The following STAMBPL1 variants were observed in gnomAD, a reference collection of about 807,000 sequenced individuals.
The protein encoded by STAMBPL1 is AMSH-like protease.
In STAMBPL1, 44 loss-of-function variants were observed where a neutral mutation model predicts 52.9. The observed-to-expected ratio is 0.83, with a 90% CI of 0.65 to 1.07. The LOEUF (loss-of-function observed/expected upper bound fraction) is 1.07, where lower values mean the gene tolerates loss of function less well. Ranked by LOEUF, STAMBPL1 falls within the 50% of genes least tolerant of loss-of-function variation. The probability of loss-of-function intolerance (pLI) is 0.00; values close to 1 mark genes in which losing one functional copy is unlikely to be tolerated. For missense variants in STAMBPL1, 511 were observed against 520.8 expected, an observed-to-expected ratio of 0.98 and a Z score of 0.18; for synonymous variants, 164 against 177.3, an observed-to-expected ratio of 0.92 and a Z score of 0.60.
chr10:88,900,806 C>T (rs1038361830), intron 1 of STAMBPL1, among the ~76,000 whole-genome samples: 1 of 152,196 alleles, frequency 6.6e-6, no homozygotes, highest in Non-Finnish European at 1.5e-5. Context: ...TATCTAGATC[C>T]TCTACTCATG....
intron 1 of STAMBPL1, among the ~76,000 whole-genome samples, chr10:88,898,885 G>A (rs1172934628): frequency 6.6e-6 from 1 of 152,186 alleles, no homozygotes; most frequent in Non-Finnish European, 1.5e-5. Context: ...TGCAGGCATG[G>A]GACCCAGACT....
chr10:88,884,799 T>C (rs1476880150), intron 1 of STAMBPL1, among the ~76,000 whole-genome samples: 1 of 152,228 alleles, frequency 6.6e-6, no homozygotes, highest in African/African-American at 2.4e-5. Flanking sequence ...CACAAGTTTA[T>C]CTCAATGATG....
At chr10:88,916,567 TG>T in intron 7 of STAMBPL1, 112 bp from the exon 8 acceptor site, 1 of 951,986 alleles carries the variant, frequency 1.1e-6, no homozygotes, top group Non-Finnish European at 1.4e-6. Context: ...TCCCTGTACC[TG>T]GACACACCCC....
chr10:88,889,027 T>A (rs889230729), intron 1 of STAMBPL1, among the ~76,000 whole-genome samples: 1 of 152,252 alleles, frequency 6.6e-6, no homozygotes, highest in Admixed American at 6.5e-5. Flanking sequence ...ATTACAAGGA[T>A]GGAGCTATAT....
chr10:88,887,790 G>A (rs528683180), intron 1 of STAMBPL1, among the ~76,000 whole-genome samples: 2 of 152,162 alleles, frequency 1.3e-5, no homozygotes, highest in East Asian at 3.9e-4. Flanking sequence ...TCAGAGTACT[G>A]GGATCACAGG....
chr10:88,917,164 A>AT (rs1460151537), intron 8 of STAMBPL1, among the ~76,000 whole-genome samples: 1 of 152,168 alleles, frequency 6.6e-6, no homozygotes, highest in African/African-American at 2.4e-5. Context: ...GTTTTAGATG[A>AT]TTTTACATAG....
intron 1 of STAMBPL1, among the ~76,000 whole-genome samples, chr10:88,880,932 C>T (rs1589341752): frequency 6.6e-6 from 1 of 152,236 alleles, no homozygotes; most frequent in Middle Eastern, 3.4e-3. Context: ...GGTGGCAGGG[C>T]GGGACTCTGG....
chr10:88,906,331 A>G (rs747749005), intron 3 of STAMBPL1, among the ~76,000 whole-genome samples: 2 of 152,228 alleles, frequency 1.3e-5, no homozygotes, highest in Non-Finnish European at 2.9e-5. Context: ...CTAGTTTAAG[A>G]GTTAACAGAA....
chr10:88,918,645 G>T (rs1845430777), intron 8 of STAMBPL1, among the ~76,000 whole-genome samples: 1 of 152,130 alleles, frequency 6.6e-6, no homozygotes, highest in Non-Finnish European at 1.5e-5. Flanking sequence ...ATTACACTTT[G>T]CCTGGAAATT....
chr10:88,892,466 G>T (rs994784356), intron 1 of STAMBPL1, among the ~76,000 whole-genome samples: 1 of 152,166 alleles, frequency 6.6e-6, no homozygotes, highest in Non-Finnish European at 1.5e-5. Context: ...ATCCAAATCA[G>T]GGGGATGTCA....
chr10:88,908,837 T>C (rs1845144852), intron 4 of STAMBPL1, 60 bp downstream of exon 4: 3 of 1,345,108 alleles, frequency 2.2e-6, no homozygotes, highest in Middle Eastern at 3.7e-4. Context: ...CCATTATTGA[T>C]TCACCCTTCC....
intron 1 of STAMBPL1, among the ~76,000 whole-genome samples, chr10:88,896,500 T>C (rs1281651889): frequency 6.6e-6 from 1 of 152,158 alleles, no homozygotes; most frequent in East Asian, 1.9e-4. Context: ...ACTGAGTAAA[T>C]TGCACCATGT....
At chr10:88,884,669 C>A (rs1473495230) in intron 1 of STAMBPL1, among the ~76,000 whole-genome samples, 1 of 152,194 alleles carries the variant, frequency 6.6e-6, no homozygotes, top group African/African-American at 2.4e-5. Context: ...TGGATTACAG[C>A]ATTCTTTCCT....
intron 10 of STAMBPL1, 147 bp downstream of exon 10, chr10:88,922,583 G>C (rs1845542708): frequency 3.1e-6 from 2 of 646,852 alleles, no homozygotes; most frequent in Admixed American, 6.1e-5. Flanking sequence ...TAATCTATCT[G>C]TATACTTAAT....
intron 8 of STAMBPL1, among the ~76,000 whole-genome samples, chr10:88,917,656 A>G (rs1467995654): frequency 6.6e-6 from 1 of 152,130 alleles, no homozygotes; most frequent in Non-Finnish European, 1.5e-5. Flanking sequence ...GGTGATAATA[A>G]TCTATCCTTT....
At chr10:88,900,994 C>T (rs778867095) in intron 1 of STAMBPL1, 7 of 152,188 alleles carry the variant, frequency 4.6e-5, no homozygotes, top group Non-Finnish European at 8.8e-5. Flanking sequence ...AAGGTCTTAC[C>T]TGATTAGATC....
rs547165676 is a variant in STAMBPL1 at position 88,883,848 on chromosome 10, T to G, written c.-54+3210T>G. On this transcript the variant is annotated intron_variant, in intron 1 of 10. Coordinates refer to ENST00000371926, the MANE Select transcript of STAMBPL1 (RefSeq NM_020799.4). ...TGTAGTTAACCTTTCAAGGTACTCT[T>G]TTGGAAATGGGTGCATTGTCTTGAA... 2.0e-5 allele frequency among the ~76,000 whole-genome samples: 3 copies of G among 152,366 alleles called. No individual in the cohort carries two copies. In the South Asian group the frequency reaches 6.2e-4, roughly 32 times the overall value.
In STAMBPL1 at chr10:88,908,746, G is replaced by A. The variant is rs1261453622; in HGVS notation, c.293G>A (p.Cys98Tyr). 4.4e-6 allele frequency: 7 copies of A among 1,608,184 alleles called. No individual in the cohort carries two copies. The African/African-American group carries it at 8.1e-5, about 19-fold the overall frequency. The change falls in exon 4 of 11, where the codon TGT (cysteine) becomes TAT (tyrosine). Residue 98 changes from cysteine to tyrosine, a missense_variant. Transcript: ENST00000371926. ...CCTAACCATCGAGATTACCAGCAATGTGCAGTACCTGAAAAGCAGGATATT... is the reference window on the plus strand; with the variant it reads ...CCTAACCATCGAGATTACCAGCAATATGCAGTACCTGAAAAGCAGGATATT... ...KLPNHRDYQQ[C>Y]AVPEKQDIMK...
At chr10:88,910,850 C>T (rs1240717316) in intron 4 of STAMBPL1, 66 bp from the exon 5 acceptor site, 1 of 1,172,494 alleles carries the variant, frequency 8.5e-7, no homozygotes, top group East Asian at 2.7e-5. Context: ...TTTTCTTTCT[C>T]ACCTGATGAT....
Sources: gnomAD v4.1 joint callset for allele counts (sites outside exome capture counted in the v4.1 genomes callset) on GRCh38, gnomAD v4.1.1 for gene constraint, MANE v1.5 for transcripts, NCBI Gene and HGNC (gene_info 2026-07-23, HGNC 2026-07-21) for gene names.